The following C4BPA variants were observed in gnomAD, a reference collection of about 807,000 sequenced individuals.
C4BPA encodes C4b-binding protein alpha chain.
A neutral mutation model predicts 63.7 loss-of-function variants in C4BPA; 31 were observed. The ratio of observed to expected loss-of-function variants is 0.49; its 90% CI spans 0.37 to 0.66. The LOEUF (loss-of-function observed/expected upper bound fraction) is 0.66, where lower values mean the gene tolerates loss of function less well. Among genes scored for constraint, C4BPA ranks in the 30% least tolerant of loss-of-function variants. The probability of loss-of-function intolerance (pLI) is 0.00; values close to 1 mark genes in which losing one functional copy is unlikely to be tolerated. For synonymous variants in C4BPA, 259 were observed against 254.7 expected, an observed-to-expected ratio of 1.02 and a Z score of -0.16; for missense variants, 572 against 723.3, an observed-to-expected ratio of 0.79 and a Z score of 2.40.
At chr1:207,126,977 T>A (rs1572788518) in intron 7 of C4BPA, 82 bp downstream of exon 7, 2 of 912,106 alleles carry the variant, frequency 2.2e-6, no homozygotes, top group Admixed American at 2.5e-5. Context: ...CTTGCATGCA[T>A]AGGCCTACTA....
intron 4 of C4BPA, 58 bp downstream of exon 4, chr1:207,115,573 G>A (rs749291802): frequency 2.0e-4 from 185 of 938,278 alleles, no homozygotes; most frequent in Non-Finnish European, 2.6e-4. Flanking sequence ...AATAGCTGAA[G>A]TGTTCGTATA....
chr1:207,117,545 A>T (rs1321204935), intron 4 of C4BPA, among the ~76,000 whole-genome samples: 1 of 152,224 alleles, frequency 6.6e-6, no homozygotes, highest in Non-Finnish European at 1.5e-5. Flanking sequence ...AGAAGGCAAA[A>T]CTATTCCTCT....
intron 1 of C4BPA, among the ~76,000 whole-genome samples, chr1:207,109,843 T>A (rs1684629571): frequency 6.6e-6 from 1 of 152,168 alleles, no homozygotes; most frequent in African/African-American, 2.4e-5. Flanking sequence ...TAGAGTAAAA[T>A]TATTTGGGCC....
Position 207,119,379 on chromosome 1 carries a change from C to T in C4BPA, c.428+3864C>T, listed in dbSNP as rs1197342333. ...CATCTACCGTCTTTTATGGGCCATACTAACTTGGCATTATGTATGGAAGAT... is the reference window on the plus strand; with the variant it reads ...CATCTACCGTCTTTTATGGGCCATATTAACTTGGCATTATGTATGGAAGAT... On this transcript the variant is annotated intron_variant, in intron 4 of 11. Transcript: ENST00000367070. Among the ~76,000 whole-genome samples the T allele has an allele frequency of 3.2e-5, 3 of 93,148 alleles. 1 individual carries two copies. Among genetic ancestry groups the T allele is most frequent in the Non-Finnish European group, 8.0e-5 (3 of 37,554 alleles). The allele number at this position is 93,148 out of a possible 152,430, so 61.1% of individuals were successfully genotyped here.
chr1:207,144,622 A>T lies in C4BPA; in HGVS notation c.1699A>T (p.Met567Leu), dbSNP rs968205648. The change falls in exon 12 of 12, where the codon ATG (methionine) becomes TTG (leucine). Residue 567 changes from methionine to leucine, a missense_variant. Transcript: ENST00000367070. ...QCLPNPEDVKMALEVYKLSLE... is the reference protein window; with the variant it reads ...QCLPNPEDVKLALEVYKLSLE... ...TCTCCCAAACCCAGAGGATGTGAAA[A>T]TGGCCCTGGAGGTATATAAGCTGTC... 1 of 1,613,646 alleles carries T rather than the reference A, an allele frequency of 6.2e-7. No individual in the cohort carries two copies. Among genetic ancestry groups the T allele is most frequent in the Non-Finnish European group, 8.5e-7 (1 of 1,179,770 alleles).
chr1:207,144,487 C>T, intron 11 of C4BPA, 57 bp from the exon 12 acceptor site: 1 of 1,465,236 alleles, frequency 6.8e-7, no homozygotes, highest in South Asian at 1.3e-5. Flanking sequence ...AGGATCCACC[C>T]TCCTTTATGA....
At chr1:207,133,680 T>C (rs1211741124) in intron 8 of C4BPA, among the ~76,000 whole-genome samples, 1 of 151,976 alleles carries the variant, frequency 6.6e-6, no homozygotes, top group Non-Finnish European at 1.5e-5. Flanking sequence ...GGAGAATTGC[T>C]TGAGCCCAGG....
intron 8 of C4BPA, among the ~76,000 whole-genome samples, chr1:207,132,009 C>A (rs977253323): frequency 1.3e-5 from 2 of 152,176 alleles, no homozygotes; most frequent in Admixed American, 6.5e-5. Context: ...TATTAGTTTT[C>A]TTACTGGTAA....
At chr1:207,107,566 A>G (rs932448395) in intron 1 of C4BPA, among the ~76,000 whole-genome samples, 1 of 152,074 alleles carries the variant, frequency 6.6e-6, no homozygotes, top group Admixed American at 6.5e-5. Context: ...AGAAATCCAG[A>G]ATGTTTTTGG....
intron 4 of C4BPA, among the ~76,000 whole-genome samples, chr1:207,121,112 C>G (rs1684913183): frequency 6.6e-6 from 1 of 152,186 alleles, no homozygotes; most frequent in African/African-American, 2.4e-5. Flanking sequence ...TCAGTCAGAT[C>G]TACTTTCTTG....
At chr1:207,105,886 C>G (rs1399182817) in intron 1 of C4BPA, among the ~76,000 whole-genome samples, 1 of 152,206 alleles carries the variant, frequency 6.6e-6, no homozygotes, top group Non-Finnish European at 1.5e-5. Flanking sequence ...GCCATGCTGA[C>G]TAAAGTTCTT....
In C4BPA at chr1:207,124,185, T is replaced by A. The variant is rs745339467; in HGVS notation, c.525T>A (p.Cys175Ter). The part of the protein sequence containing the change: ...HPLPQCEIVK[C>*]KPPPDIRNGR... ...ACTCACTTACCTCAGTTGTCAAGTG[T>A]AAGCCTCCTCCAGACATCAGGAATG... Residue 175 changes from cysteine to a stop codon, truncating the protein, a stop_gained, in exon 6 of 12, where the codon TGT becomes TGA. Coordinates refer to ENST00000367070, the MANE Select transcript of C4BPA (RefSeq NM_000715.4). LOFTEE classifies it high-confidence loss of function. The A allele has an allele frequency of 1.9e-6, 3 of 1,613,518 alleles. No individual in the cohort carries two copies. The highest frequency in any genetic ancestry group is 2.5e-6 in the Non-Finnish European group (3 of 1,179,618).
At chr1:207,135,464 G>A (rs1385394902) in intron 9 of C4BPA, among the ~76,000 whole-genome samples, 1 of 152,156 alleles carries the variant, frequency 6.6e-6, no homozygotes, top group African/African-American at 2.4e-5. Flanking sequence ...GGCATTAGTT[G>A]CAGCTTATCC....
intron 1 of C4BPA, among the ~76,000 whole-genome samples, chr1:207,105,011 GA>G (rs1684529987): frequency 6.6e-6 from 1 of 152,184 alleles, no homozygotes; most frequent in East Asian, 1.9e-4. Flanking sequence ...TGAATTTGAC[GA>G]TGCTGATAAC....
At chr1:207,120,086 C>A (rs1018004965) in intron 4 of C4BPA, among the ~76,000 whole-genome samples, 20 of 152,222 alleles carry the variant, frequency 1.3e-4, no homozygotes, top group Non-Finnish European at 1.8e-4. Context: ...CTCATCTTTA[C>A]CATCACTGTG....
chr1:207,113,253 CTG>C (rs1684707718), intron 2 of C4BPA, 86 bp downstream of exon 2: 7 of 1,436,846 alleles, frequency 4.9e-6, no homozygotes, highest in Non-Finnish European at 6.6e-6. Context: ...AAAATGATGA[CTG>C]AGCTTCTAGC....
intron 4 of C4BPA, among the ~76,000 whole-genome samples, chr1:207,117,532 T>C (rs1235483617): frequency 6.6e-6 from 1 of 152,162 alleles, no homozygotes; most frequent in African/African-American, 2.4e-5. Flanking sequence ...TATGTTACCG[T>C]AGAGAAGGCA....
At position 207,143,876 on chromosome 1, in the gene C4BPA, T is replaced by G; in HGVS notation, c.1503T>G (p.Tyr501Ter). 1 of 1,613,536 alleles carries G rather than the reference T, an allele frequency of 6.2e-7. No individual in the cohort carries two copies. Among genetic ancestry groups the G allele is most frequent in the South Asian group, 1.1e-5 (1 of 91,040 alleles). Reference protein sequence around the residue: ...NGRLSVDKDQYVEPENVTIQC... With the variant: ...NGRLSVDKDQ ...GGTTGTCTGTGGATAAGGATCAGTA[T>G]GTTGAGCCTGAAAATGTCACCATCC... The change falls in exon 11 of 12, where the codon TAT (tyrosine) becomes TAG (stop). Residue 501 changes from tyrosine (Y) to a stop codon, truncating the protein, a stop_gained. Transcript: ENST00000367070. LOFTEE classifies it high-confidence loss of function.
chr1:207,132,759 C>T (rs1411745797), intron 8 of C4BPA, among the ~76,000 whole-genome samples: 1 of 152,106 alleles, frequency 6.6e-6, no homozygotes, highest in African/African-American at 2.4e-5. Context: ...GCGGTGGCTC[C>T]TACCTATAAT....
Sources: allele counts gnomAD v4.1 joint callset (sites outside exome capture counted in the v4.1 genomes callset), GRCh38; gene constraint gnomAD v4.1.1; transcripts MANE v1.5; gene names NCBI Gene and HGNC (gene_info 2026-07-23, HGNC 2026-07-21).